Variants in EPB41L2 observed in about 807,000 individuals in gnomAD.
EPB41L2 encodes band 4.1-like protein 2.
EPB41L2 carries 43 observed loss-of-function variants against 113.0 expected under a neutral mutation model. The ratio of observed to expected loss-of-function variants is 0.38; its 90% CI spans 0.30 to 0.49. The LOEUF (loss-of-function observed/expected upper bound fraction) is 0.49. EPB41L2 is among the 20% of genes least tolerant of loss of function. The pLI, the probability that EPB41L2 is intolerant of heterozygous loss-of-function variation, is 0.95. For synonymous variants in EPB41L2, 442 were observed against 436.7 expected (o/e 1.01, Z -0.15); for missense variants, 1,147 against 1,223.4 (o/e 0.94, Z 0.93).
At chr6:130,849,557 G>A (rs1175390263) in intron 19 of EPB41L2, among the ~76,000 whole-genome samples, 1 of 151,994 alleles carries the variant, frequency 6.6e-6, no homozygotes, top group African/African-American at 2.4e-5. Flanking sequence ...CATTAGTAGG[G>A]ATTAAGTAAA....
At chr6:130,840,840 T>C (rs2128388904) in intron 19 of EPB41L2, among the ~76,000 whole-genome samples, 1 of 152,000 alleles carries the variant, frequency 6.6e-6, no homozygotes, top group Non-Finnish European at 1.5e-5. Flanking sequence ...CAAATAAGAG[T>C]TCACTGCAAA....
intron 1 of EPB41L2, among the ~76,000 whole-genome samples, chr6:131,047,846 A>G (rs1432726366): frequency 1.3e-5 from 2 of 152,232 alleles, no homozygotes; most frequent in East Asian, 3.8e-4. Flanking sequence ...GGAAGAAAAG[A>G]AAAAAGAAAA....
chr6:130,974,638 C>A (rs1777710977), intron 1 of EPB41L2, among the ~76,000 whole-genome samples: 1 of 151,506 alleles, frequency 6.6e-6, no homozygotes, highest in African/African-American at 2.4e-5. Context: ...AGTGGTAGAG[C>A]CAAAATTCAC....
intron 4 of EPB41L2, among the ~76,000 whole-genome samples, chr6:130,918,501 G>A (rs1190074055): frequency 6.6e-6 from 1 of 152,034 alleles, no homozygotes; most frequent in Non-Finnish European, 1.5e-5. Flanking sequence ...TGAATAACAT[G>A]TTGCCTGATT....
At chr6:131,044,343 TA>T (rs1225083775) in intron 1 of EPB41L2, among the ~76,000 whole-genome samples, 1 of 151,462 alleles carries the variant, frequency 6.6e-6, no homozygotes. Context: ...CTTTTTTGTT[TA>T]AAAAAAAATT....
intron 1 of EPB41L2, among the ~76,000 whole-genome samples, chr6:131,037,951 T>C (rs1397486585): frequency 2.0e-5 from 3 of 152,304 alleles, no homozygotes. Context: ...AAATTTACAG[T>C]AGACATTTCA....
intron 1 of EPB41L2, among the ~76,000 whole-genome samples, chr6:131,028,035 A>T (rs113810674): frequency 0.012 from 1,802 of 152,342 alleles, 14 homozygotes; most frequent in Non-Finnish European, 0.018. Context: ...AAAATTAGAT[A>T]TCTGAGTTTA....
intron 1 of EPB41L2, among the ~76,000 whole-genome samples, chr6:131,003,137 T>TA (rs910385816): frequency 1.8e-3 from 277 of 150,520 alleles, no homozygotes; most frequent in African/African-American, 6.1e-3. Flanking sequence ...ATTCTACATT[T>TA]AAAAAAAAAT....
At chr6:130,944,398 T>C (rs888155085) in intron 3 of EPB41L2, among the ~76,000 whole-genome samples, 4 of 152,150 alleles carry the variant, frequency 2.6e-5, no homozygotes, top group African/African-American at 9.7e-5. Flanking sequence ...TAAGACTCTA[T>C]GGGGAGAGAG....
chr6:131,052,790 C>T (rs1796819191), intron 1 of EPB41L2, among the ~76,000 whole-genome samples: 2 of 152,016 alleles, frequency 1.3e-5, no homozygotes, highest in South Asian at 4.2e-4. Context: ...GTAAGCAGAC[C>T]TCAGCAAGGT....
At chr6:130,952,179 T>C (rs751558669) in intron 3 of EPB41L2, among the ~76,000 whole-genome samples, 13 of 152,222 alleles carry the variant, frequency 8.5e-5, no homozygotes, top group African/African-American at 3.1e-4. Context: ...AAAATCAAAC[T>C]TAATGGTTGC....
chr6:130,902,385 TC>T (rs1291979566), intron 6 of EPB41L2, among the ~76,000 whole-genome samples: 1 of 152,102 alleles, frequency 6.6e-6, no homozygotes, highest in Non-Finnish European at 1.5e-5. Context: ...CCCAAATACA[TC>T]ATCAGGCAGG....
At chr6:130,843,579 C>A (rs982773526) in intron 19 of EPB41L2, among the ~76,000 whole-genome samples, 4 of 152,176 alleles carry the variant, frequency 2.6e-5, no homozygotes, top group African/African-American at 9.7e-5. Flanking sequence ...AAGATCATAG[C>A]TGTTAAGCAT....
At chr6:131,007,005 A>G (rs1467107943) in intron 1 of EPB41L2, among the ~76,000 whole-genome samples, 2 of 152,144 alleles carry the variant, frequency 1.3e-5, no homozygotes, top group Non-Finnish European at 2.9e-5. Context: ...CACTCGCCCT[A>G]TTTATGGTTA....
rs562609146 is a variant in EPB41L2, at chr6:130,847,468, A to C, written c.*6-6870T>G. Among the ~76,000 whole-genome samples the C allele has an allele frequency of 3.4e-5, 5 of 148,984 alleles. No homozygotes were observed. The South Asian group carries it at 6.6e-4, about 20-fold the overall frequency. On this transcript the variant is annotated intron_variant, in intron 19 of 19. Coordinates refer to ENST00000337057, the MANE Select transcript of EPB41L2 (RefSeq NM_001431.4). ...TATAGATTAATGAATCCAGAAGTGAAAGTATCAGGGACTAATTTGTAACGT... is the reference window on the plus strand; with the variant it reads ...TATAGATTAATGAATCCAGAAGTGACAGTATCAGGGACTAATTTGTAACGT...
At chr6:130,912,018 T>A (rs1056430117) in intron 4 of EPB41L2, among the ~76,000 whole-genome samples, 3 of 152,158 alleles carry the variant, frequency 2.0e-5, no homozygotes, top group African/African-American at 7.2e-5. Context: ...TCCTGTCAGA[T>A]CACCACCCGC....
At chr6:130,999,621 T>C (rs914075096) in intron 1 of EPB41L2, among the ~76,000 whole-genome samples, 14 of 152,154 alleles carry the variant, frequency 9.2e-5, no homozygotes, top group African/African-American at 3.4e-4. Flanking sequence ...TGGATTAAGA[T>C]TGGCCTACTG....
intron 19 of EPB41L2, among the ~76,000 whole-genome samples, chr6:130,848,715 A>G (rs1383561221): frequency 1.3e-5 from 2 of 152,200 alleles, no homozygotes; most frequent in Non-Finnish European, 2.9e-5. Context: ...TCGTAAGGAC[A>G]GGAGTATCTT....
At chr6:130,996,901 C>T (rs921473181) in intron 1 of EPB41L2, among the ~76,000 whole-genome samples, 34 of 152,224 alleles carry the variant, frequency 2.2e-4, no homozygotes, top group Non-Finnish European at 1.5e-4. Context: ...TAAATAAAGT[C>T]CATTAAAATG....
Sources: allele counts gnomAD v4.1 joint callset (sites outside exome capture counted in the v4.1 genomes callset), GRCh38; gene constraint gnomAD v4.1.1; transcripts MANE v1.5; gene names NCBI Gene and HGNC (gene_info 2026-07-23, HGNC 2026-07-21).